Variants in FYCO1 observed in about 807,000 individuals in gnomAD.
FYCO1 encodes the protein FYVE and coiled-coil domain autophagy adaptor 1.
FYCO1 carries 122 observed loss-of-function variants against 165.1 expected under a neutral mutation model. The ratio of observed to expected loss-of-function variants is 0.74; its 90% CI spans 0.64 to 0.86. The LOEUF is 0.86. FYCO1 is among the 40% of genes least tolerant of loss of function. The pLI is 0.00. For synonymous variants in FYCO1, 648 were observed against 742.5 expected (o/e 0.87, Z 2.07); for missense variants, 1,702 against 1,810.3 (o/e 0.94, Z 1.09).
intron 13 of FYCO1, among the ~76,000 whole-genome samples, chr3:45,955,853 C>T (rs967587791): frequency 5.9e-5 from 9 of 152,208 alleles, no homozygotes; most frequent in African/African-American, 1.7e-4. Flanking sequence ...TCCACTGATG[C>T]GTGGGAAAGA....
At chr3:45,938,214 C>T in intron 14 of FYCO1, 1 of 1,289,156 alleles carries the variant, frequency 7.8e-7, no homozygotes, top group South Asian at 1.2e-5. Flanking sequence ...AGATGATTCA[C>T]AGAGCAGGTT....
In FYCO1 at chr3:45,923,854, A is replaced by G. The variant is rs563467493; in HGVS notation, c.4252-89T>C. On this transcript the variant is annotated intron_variant, in intron 16 of 17. Transcript: ENST00000296137. ...GGAAGACCCTTTATTTTGGGGTAGG[A>G]GGCTGAGTGTGTTGCCTGAGGTCAC... 1.7e-5 allele frequency: 15 copies of G among 881,678 alleles called. No homozygotes were observed. The Admixed American group carries it at 2.6e-4, about 16-fold the overall frequency. 54.6% of individuals were successfully genotyped at this position (881,678 alleles called of 1,614,324 possible).
chr3:45,931,013 C>T, intron 16 of FYCO1, 58 bp downstream of exon 16: 3 of 1,532,990 alleles, frequency 2.0e-6, no homozygotes, highest in Non-Finnish European at 9.0e-7. Context: ...TGAGAAAGGC[C>T]TGCCCAAGTA....
At chr3:45,965,852 G>C (rs1705978819) in intron 8 of FYCO1, among the ~76,000 whole-genome samples, 1 of 152,250 alleles carries the variant, frequency 6.6e-6, no homozygotes, top group Non-Finnish European at 1.5e-5. Context: ...AAGTGCAGAG[G>C]ATGTGTGCCT....
chr3:45,944,746 A>G (rs1421925914), intron 14 of FYCO1, among the ~76,000 whole-genome samples: 2 of 152,214 alleles, frequency 1.3e-5, no homozygotes, highest in East Asian at 3.9e-4. Context: ...ATGGCAGCAT[A>G]AGGGACCAGC....
At position 45,984,944 on chromosome 3, in the gene FYCO1, G is replaced by A; in HGVS notation, c.-34C>T. On this transcript the variant is annotated 5_prime_UTR_variant, in exon 2 of 18. Coordinates refer to ENST00000296137, the MANE Select transcript of FYCO1 (RefSeq NM_024513.4). ...TGCCTTTCTTGTCTGTATGTCTCCT[G>A]CCTGGGTCCAGAGGAAGGCTCAGAA... is the stretch of plus-strand genomic sequence containing the variant. The A allele has an allele frequency of 4.3e-6, 7 of 1,611,834 alleles. No homozygotes were observed. The highest frequency in any genetic ancestry group is 2.2e-5 in the East Asian group (1 of 44,860).
At chr3:45,939,581 G>A (rs1704097522) in intron 14 of FYCO1, among the ~76,000 whole-genome samples, 1 of 152,198 alleles carries the variant, frequency 6.6e-6, no homozygotes, top group Non-Finnish European at 1.5e-5. Context: ...GAAACTAGCT[G>A]AGGGAGGAAC....
chr3:45,966,921 C>A lies in FYCO1; in HGVS notation c.2413G>T (p.Asp805Tyr). The A allele has an allele frequency of 6.2e-7, 1 of 1,613,750 alleles. No individual in the cohort carries two copies. Among genetic ancestry groups the A allele is most frequent in the South Asian group, 1.1e-5 (1 of 91,066 alleles). The part of the protein sequence containing the change: ...LQAKMRAALD[D>Y]QDKVQSQLSM... The stretch of plus-strand genomic sequence containing the variant: ...AGCTGGCTCTGCACCTTGTCCTGGT[C>A]ATCCAGGGCTGCCCGCATCTTGGCC... The change falls in exon 8 of 18, where the codon GAC (aspartate) becomes TAC (tyrosine). Residue 805 changes from aspartate (D) to tyrosine (Y), a missense_variant. Asp to Tyr is a radical substitution (Grantham distance 160). Transcript: ENST00000296137.
chr3:45,977,114 G>A lies in FYCO1; in HGVS notation c.289-1769C>T, dbSNP rs578218194. Among the ~76,000 whole-genome samples the A allele has an allele frequency of 1.6e-4, 25 of 152,188 alleles. 1 individual carries two copies. In the South Asian group the frequency reaches 2.5e-3, roughly 15 times the overall value. On this transcript the variant is annotated intron_variant, in intron 4 of 17. Coordinates refer to ENST00000296137, the MANE Select transcript of FYCO1 (RefSeq NM_024513.4). ...TGGTGATAACCAGGAAATTCAGGCCGTTGGAAAGAGGTGAGCAAGGCATTG... is the reference window on the plus strand; with the variant it reads ...TGGTGATAACCAGGAAATTCAGGCCATTGGAAAGAGGTGAGCAAGGCATTG...
intron 6 of FYCO1, 91 bp downstream of exon 6, chr3:45,972,997 A>T: frequency 7.1e-7 from 1 of 1,403,534 alleles, no homozygotes; most frequent in Admixed American, 1.8e-5. Flanking sequence ...TTACTGAGCA[A>T]GCAAAATTGT....
intron 14 of FYCO1, among the ~76,000 whole-genome samples, chr3:45,937,434 G>A (rs940966865): frequency 6.6e-5 from 10 of 152,258 alleles, no homozygotes; most frequent in African/African-American, 1.7e-4. Flanking sequence ...TGGTATGACT[G>A]TAGTGGGGTC....
chr3:45,964,464 G>A lies in FYCO1; in HGVS notation c.3151-10C>T. On this transcript the variant is annotated splice_polypyrimidine_tract_variant and intron_variant, in intron 9 of 17. Coordinates refer to ENST00000296137, the MANE Select transcript of FYCO1 (RefSeq NM_024513.4). This position sits in a 1 kb window ranked among gnomAD's most constrained non-coding sequence, Gnocchi z 4.1. ...TGTCTGCTTGGGTGGCCTGGCACAG[G>A]ACGTCAGGGAGAAGACACTCAGCTT... The A allele has an allele frequency of 6.2e-7, 1 of 1,613,750 alleles. No individual in the cohort carries two copies. Among genetic ancestry groups the A allele is most frequent in the Non-Finnish European group, 8.5e-7 (1 of 1,179,764 alleles).
intron 14 of FYCO1, among the ~76,000 whole-genome samples, chr3:45,937,817 C>T (rs1341168971): frequency 6.6e-6 from 1 of 152,194 alleles, no homozygotes; most frequent in Non-Finnish European, 1.5e-5. Context: ...CTAACACCTC[C>T]TTCTTTTTGC....
intron 2 of FYCO1, 149 bp downstream of exon 2, chr3:45,984,707 C>G: frequency 1.3e-6 from 1 of 769,874 alleles, no homozygotes; most frequent in Admixed American, 2.4e-5. Context: ...TATTTGAGAC[C>G]CAAATATTTC....
intron 13 of FYCO1, among the ~76,000 whole-genome samples, chr3:45,957,379 A>G (rs1471365349): frequency 6.6e-6 from 1 of 152,268 alleles, no homozygotes; most frequent in African/African-American, 2.4e-5. Context: ...ACATTTATGC[A>G]TAACAGAAAA....
chr3:45,986,276 G>T (rs934756351), intron 1 of FYCO1, among the ~76,000 whole-genome samples: 14 of 152,038 alleles, frequency 9.2e-5, no homozygotes, highest in Admixed American at 8.5e-4. Context: ...CCACCGGCTC[G>T]AGGTACTACC....
intron 14 of FYCO1, among the ~76,000 whole-genome samples, chr3:45,949,134 G>A (rs1704831173): frequency 6.6e-6 from 1 of 152,088 alleles, no homozygotes; most frequent in Non-Finnish European, 1.5e-5. Flanking sequence ...GCACAGGCTG[G>A]GCCTTTCAGA....
chr3:45,926,152 A>G (rs1048438394), intron 16 of FYCO1, among the ~76,000 whole-genome samples: 4 of 152,208 alleles, frequency 2.6e-5, no homozygotes, highest in African/African-American at 4.8e-5. Context: ...GGCAGACTCA[A>G]ACCTAACCTT....
At chr3:45,929,572 T>C (rs886283568) in intron 16 of FYCO1, among the ~76,000 whole-genome samples, 1 of 152,030 alleles carries the variant, frequency 6.6e-6, no homozygotes, top group Non-Finnish European at 1.5e-5. Flanking sequence ...GTGCTGCCGT[T>C]TGTTAGTGTG....
Sources: allele counts gnomAD v4.1 joint callset (sites outside exome capture counted in the v4.1 genomes callset), GRCh38; gene constraint gnomAD v4.1.1; non-coding constraint Gnocchi (gnomAD v3.1); transcripts MANE v1.5; gene names NCBI Gene and HGNC (gene_info 2026-07-23, HGNC 2026-07-21).